The following ITGB3 variants were observed in gnomAD, a reference collection of about 807,000 sequenced individuals.
ITGB3 encodes integrin subunit beta 3, also known as integrin beta-3.
ITGB3 carries 48 observed loss-of-function variants against 85.8 expected under a neutral mutation model. That is an observed-to-expected ratio of 0.56 (90% confidence interval 0.44 to 0.71). ITGB3 has a LOEUF of 0.71. ITGB3 is among the 30% of genes least tolerant of loss of function. The pLI is 0.00. For missense variants in ITGB3, 861 were observed against 1,019.1 expected (o/e 0.84, Z 2.11); for synonymous variants, 363 against 395.6 (o/e 0.92, Z 0.98).
chr17:47,299,486 C>T lies in ITGB3; in HGVS notation c.1869C>T (p.Thr623=). ...TCCAGCCGGGCTCCTATGGGGACAC[C>T]TGTGAGAAGTGCCCCACCTGCCCAG... ...VCIQPGSYGD[T]CEKCPTCPDA... is the part of the protein sequence containing the mutation. The change falls in exon 11 of 15, where the codon ACC becomes ACT. Residue 623 remains threonine (T), a synonymous_variant. Coordinates refer to ENST00000559488, the MANE Select transcript of ITGB3 (RefSeq NM_000212.3). The surrounding 1 kb of genome is among the most constrained non-coding windows in gnomAD (Gnocchi z 5.1). 1 of 1,614,244 alleles carries T rather than the reference C, an allele frequency of 6.2e-7. No homozygotes were observed. The highest frequency in any genetic ancestry group is 8.5e-7 in the Non-Finnish European group (1 of 1,180,044).
chr17:47,302,109 A>C (rs2065169464), intron 12 of ITGB3, among the ~76,000 whole-genome samples: 1 of 152,176 alleles, frequency 6.6e-6, no homozygotes, highest in African/African-American at 2.4e-5. Context: ...GTATCTTTGC[A>C]GAATAACAAA....
At chr17:47,296,585 A>C (rs1000718273) in intron 10 of ITGB3, among the ~76,000 whole-genome samples, 1 of 152,186 alleles carries the variant, frequency 6.6e-6, no homozygotes, top group Non-Finnish European at 1.5e-5. Context: ...CTCATACTTT[A>C]AAACGGTGGT....
chr17:47,281,829 A>G (rs2065084739), intron 2 of ITGB3, among the ~76,000 whole-genome samples: 1 of 152,122 alleles, frequency 6.6e-6, no homozygotes, highest in Non-Finnish European at 1.5e-5. Context: ...AATGCATTTT[A>G]TGTGGATTGT....
rs1291704461 is a variant in ITGB3, at chr17:47,253,934, G to A, written c.73G>A (p.Val25Ile). ...GCTGGGGGCGCTGGCGGGCGTTGGC[G>A]TAGGAGGTGAGTGAGGCTCCGGCTC... ...LALGALAGVG[V>I]GGPNICTTRG... The change falls in exon 1 of 15, where the codon GTA becomes ATA. Residue 25 changes from valine to isoleucine, a missense_variant. Physicochemically the swap from Val to Ile is conservative, Grantham distance 29. Transcript: ENST00000559488. 1 of 1,419,076 alleles carries A rather than the reference G, an allele frequency of 7.0e-7. No homozygotes were observed. Among genetic ancestry groups the A allele is most frequent in the Non-Finnish European group, 9.3e-7 (1 of 1,080,562 alleles). The allele number at this position is 1,419,076 out of a possible 1,614,324, so 87.9% of individuals were successfully genotyped here.
rs117647250 is a variant in ITGB3 at position 47,266,401 on chromosome 17, C to T, written c.80-8018C>T. ...ATGTCCTCAAAATAGCCCCCATTGA[C>T]GCATTATGACTTCCACTGGATCCAA... On this transcript the variant is annotated intron_variant, in intron 1 of 14. Transcript: ENST00000559488. Among the ~76,000 whole-genome samples, 120 of 152,266 alleles carry T rather than the reference C, an allele frequency of 7.9e-4. 2 individuals carry two copies. In the East Asian group the frequency reaches 0.018, roughly 23 times the overall value.
intron 10 of ITGB3, among the ~76,000 whole-genome samples, chr17:47,295,738 C>T (rs1456039891): frequency 1.5e-5 from 2 of 135,194 alleles, no homozygotes; most frequent in East Asian, 4.3e-4. Flanking sequence ...ATCCAGGAGC[C>T]GTGGCCAAAT....
intron 13 of ITGB3, chr17:47,303,386 C>T (rs2065174774): frequency 6.4e-6 from 1 of 156,512 alleles, no homozygotes; most frequent in South Asian, 1.9e-4. Flanking sequence ...AATCAGAAAG[C>T]AGGTAAGGAG....
chr17:47,287,658 C>G (rs1054323683), intron 6 of ITGB3, among the ~76,000 whole-genome samples: 2 of 152,196 alleles, frequency 1.3e-5, no homozygotes, highest in African/African-American at 4.8e-5. Context: ...CCTGTAATCT[C>G]AGCACTTTGG....
chr17:47,300,346 C>CGTGT (rs58012849), intron 11 of ITGB3, 132 bp from the exon 12 acceptor site: 6,554 of 618,878 alleles, frequency 0.011, 31 homozygotes, highest in African/African-American at 0.027. Flanking sequence ...CGCGCGCGCG[C>CGTGT]GTGTGTGTGT....
At chr17:47,284,308 A>G (rs2065094625) in intron 3 of ITGB3, 135 bp from the exon 4 acceptor site, 5 of 957,486 alleles carry the variant, frequency 5.2e-6, no homozygotes, top group Non-Finnish European at 8.0e-6. Context: ...TAGAATTGCA[A>G]AGGAAGAGGA....
intron 1 of ITGB3, among the ~76,000 whole-genome samples, chr17:47,259,861 T>C (rs985973260): frequency 1.3e-5 from 2 of 152,296 alleles, no homozygotes; most frequent in Admixed American, 6.5e-5. Flanking sequence ...ATTGTGCCAT[T>C]GCACTCCAGC....
At chr17:47,296,807 C>T (rs2065147613) in intron 10 of ITGB3, among the ~76,000 whole-genome samples, 1 of 152,156 alleles carries the variant, frequency 6.6e-6, no homozygotes, top group Non-Finnish European at 1.5e-5. Flanking sequence ...TGAGAAATCA[C>T]ATTTTACAAA....
intron 2 of ITGB3, among the ~76,000 whole-genome samples, chr17:47,281,926 A>G (rs1228756950): frequency 1.3e-5 from 2 of 152,152 alleles, no homozygotes; most frequent in African/African-American, 4.8e-5. Context: ...AAATATACAT[A>G]ACATAGAATT....
At chr17:47,276,134 G>C (rs1304895589) in intron 2 of ITGB3, among the ~76,000 whole-genome samples, 3 of 152,128 alleles carry the variant, frequency 2.0e-5, no homozygotes, top group African/African-American at 7.2e-5. Flanking sequence ...TCACTCAAAG[G>C]GTGCTTCCCC....
At chr17:47,264,374 C>T (rs1167253102) in intron 1 of ITGB3, among the ~76,000 whole-genome samples, 1 of 152,202 alleles carries the variant, frequency 6.6e-6, no homozygotes, top group East Asian at 1.9e-4. Flanking sequence ...TTAGATGGAA[C>T]GTATCTAGAG....
rs2065092006 is a variant in ITGB3 at position 47,283,606 on chromosome 17, G to T, written c.361+57G>T. On this transcript the variant is annotated intron_variant, in intron 3 of 14. Coordinates refer to ENST00000559488, the MANE Select transcript of ITGB3 (RefSeq NM_000212.3). Reference sequence around the variant, plus strand: ...TGAAGCAGGTGGGCATAGAGCACAAGGTGGAGGTCTGAGGAGGAAGTCTTG... The same window carrying T: ...TGAAGCAGGTGGGCATAGAGCACAATGTGGAGGTCTGAGGAGGAAGTCTTG... The T allele has an allele frequency of 5.2e-6, 8 of 1,545,300 alleles. 1 individual carries two copies. In the South Asian group the frequency reaches 7.8e-5, roughly 15 times the overall value.
intron 1 of ITGB3, among the ~76,000 whole-genome samples, chr17:47,256,937 G>A (rs1813789758): frequency 6.6e-6 from 1 of 152,190 alleles, no homozygotes; most frequent in Non-Finnish European, 1.5e-5. Context: ...CGGAAAGGGA[G>A]GGCTATGGTT....
At chr17:47,290,563 A>C (rs2065121272) in intron 8 of ITGB3, among the ~76,000 whole-genome samples, 1 of 152,114 alleles carries the variant, frequency 6.6e-6, no homozygotes. Context: ...GTGAGGGAAA[A>C]CTGGGCTCCA....
intron 1 of ITGB3, among the ~76,000 whole-genome samples, chr17:47,267,033 G>GA (rs112285886): frequency 6.6e-6 from 1 of 151,490 alleles, no homozygotes; most frequent in African/African-American, 2.4e-5. Context: ...TGTCATCAAG[G>GA]AAAAAAAAGT....
Sources: allele counts gnomAD v4.1 joint callset (sites outside exome capture counted in the v4.1 genomes callset), GRCh38; gene constraint gnomAD v4.1.1; non-coding constraint Gnocchi (gnomAD v3.1); transcripts MANE v1.5; gene names NCBI Gene and HGNC (gene_info 2026-07-23, HGNC 2026-07-21).